Variants in IPO9 observed in about 807,000 individuals in gnomAD.
IPO9 encodes importin-9.
IPO9 carries 28 observed loss-of-function variants against 128.6 expected under a neutral mutation model. That is an observed-to-expected ratio of 0.22 (90% CI 0.16 to 0.30). IPO9 has a LOEUF of 0.30. IPO9 is among the 10% of genes least tolerant of loss of function. IPO9 has a pLI of 1.00. For missense variants in IPO9, 935 were observed against 1,293.9 expected (o/e 0.72, Z 4.26); for synonymous variants, 455 against 475.8 (o/e 0.96, Z 0.57).
chr1:201,848,635 C>A, intron 4 of IPO9, 41 bp downstream of exon 4: 2 of 1,592,128 alleles, frequency 1.3e-6, no homozygotes, highest in Non-Finnish European at 1.7e-6. Context: ...ACTTGGATCT[C>A]AAGCGACAGG....
intron 21 of IPO9, 90 bp from the exon 22 acceptor site, chr1:201,874,742 T>G: frequency 1.1e-6 from 1 of 876,638 alleles, no homozygotes; most frequent in Non-Finnish European, 1.9e-6. Flanking sequence ...GCAGAAGCCT[T>G]TGGGGCCCTT....
intron 2 of IPO9, 75 bp downstream of exon 2, chr1:201,847,415 A>G: frequency 6.9e-7 from 1 of 1,444,634 alleles, no homozygotes; most frequent in Admixed American, 1.8e-5. Flanking sequence ...GGAAAGAAAA[A>G]TAAGGCCAGT....
chr1:201,877,467 C>G lies in IPO9; in HGVS notation c.*1413C>G, dbSNP rs907058999. 5 of 151,592 alleles carry G rather than the reference C, an allele frequency of 3.3e-5. No homozygotes were observed. Among genetic ancestry groups the G allele is most frequent in the African/African-American group, 1.2e-4 (5 of 41,184 alleles). The allele number at this position is 151,592 out of a possible 1,614,324, so 9.4% of individuals were successfully genotyped here. A position where few individuals can be genotyped will look rare whatever the true frequency, so the allele number is the denominator to read the frequency against. On this transcript the variant is annotated 3_prime_UTR_variant, in exon 24 of 24. Coordinates refer to ENST00000361565, the MANE Select transcript of IPO9 (RefSeq NM_018085.5). ...GCAGTGAACCGATATCACACCGTTG[C>G]ATTCCAAGGCAAGACTCAATCACAC...
At chr1:201,838,609 T>G (rs960390790) in intron 1 of IPO9, among the ~76,000 whole-genome samples, 15 of 152,168 alleles carry the variant, frequency 9.9e-5, no homozygotes, top group Admixed American at 7.2e-4. Context: ...ATTTAATCAT[T>G]TAATAACTCT....
chr1:201,859,686 G>A (rs566839382), intron 13 of IPO9, among the ~76,000 whole-genome samples: 78 of 152,130 alleles, frequency 5.1e-4, no homozygotes, highest in Admixed American at 7.2e-4. Context: ...TAGGCCAGGC[G>A]CGATGGCTCA....
chr1:201,833,478 A>T (rs1022557667), intron 1 of IPO9, among the ~76,000 whole-genome samples: 14 of 152,062 alleles, frequency 9.2e-5, no homozygotes, highest in Non-Finnish European at 2.1e-4. Context: ...ACCTCAGGTG[A>T]TCCACCCACC....
chr1:201,843,071 TG>T (rs1392266939), intron 1 of IPO9, among the ~76,000 whole-genome samples: 1 of 152,234 alleles, frequency 6.6e-6, no homozygotes, highest in East Asian at 1.9e-4. Context: ...AATCAGCCAC[TG>T]TGATGGTCTA....
chr1:201,875,187 C>G lies in IPO9; in HGVS notation c.2974C>G (p.Pro992Ala). ...CTACGAGGATGATGAGGAAGATGAC[C>G]CTGATGCCCTGAAGGATCCTCTCTA... ...DYYEDDEEDD[P>A]DALKDPLYQI... is the part of the protein sequence containing the mutation. The change falls in exon 23 of 24, where the codon CCT (proline) becomes GCT (alanine). Residue 992 changes from proline to alanine, a missense_variant. By Grantham distance (27) the Pro-to-Ala change is conservative. Transcript: ENST00000361565. The G allele has an allele frequency of 6.2e-7, 1 of 1,614,128 alleles. No homozygotes were observed.
rs34740541 is a variant in IPO9 at position 201,883,171 on chromosome 1, TC to T, written c.*7128del. On this transcript the variant is annotated 3_prime_UTR_variant, in exon 24 of 24. Transcript: ENST00000361565. ...GTGTATTAATTTGCTTTCACTAGAT[TC>T]CCCCCCCCCCAACAACTTAGTCCAA... 0.055 allele frequency: 7,410 copies of T among 134,376 alleles called. 691 individuals are homozygous for T. The highest frequency in any genetic ancestry group is 0.19 in the African/African-American group (6,882 of 37,172). 8.3% of individuals were successfully genotyped at this position (134,376 alleles called of 1,614,324 possible).
rs562636084 is a variant in IPO9 at position 201,865,539 on chromosome 1, C to A, written c.1629-1194C>A. 7.9e-5 allele frequency among the ~76,000 whole-genome samples: 12 copies of A among 152,208 alleles called. No homozygotes were observed. The South Asian group carries it at 2.1e-3, about 26-fold the overall frequency. The stretch of plus-strand genomic sequence containing the variant: ...TGTCTTTTCTAATGTCACTAGTAAC[C>A]TTTTAATGATCAGCATTCCACCGTT... On this transcript the variant is annotated intron_variant, in intron 14 of 23. Coordinates refer to ENST00000361565, the MANE Select transcript of IPO9 (RefSeq NM_018085.5).
intron 19 of IPO9, among the ~76,000 whole-genome samples, chr1:201,872,599 A>C (rs909808455): frequency 2.7e-5 from 4 of 148,156 alleles, no homozygotes; most frequent in Non-Finnish European, 4.5e-5. Context: ...ATGAGACCCT[A>C]TCTCAAAAAC....
At chr1:201,874,499 G>C in intron 21 of IPO9, 127 bp downstream of exon 21, 1 of 1,055,356 alleles carries the variant, frequency 9.5e-7, no homozygotes, top group Non-Finnish European at 1.4e-6. Context: ...CTGCTCTGTG[G>C]CTGGCACCAT....
At chr1:201,847,519 CTTG>C in intron 2 of IPO9, 30 bp from the exon 3 acceptor site, 1 of 1,426,602 alleles carries the variant, frequency 7.0e-7, no homozygotes, top group Non-Finnish European at 9.9e-7. Flanking sequence ...AAATCTTTTT[CTTG>C]CTGTACTACT....
In IPO9 at chr1:201,870,031, A is replaced by G. The variant is rs1193057938; in HGVS notation, c.2133+313A>G. On this transcript the variant is annotated intron_variant, in intron 17 of 23. Coordinates refer to ENST00000361565, the MANE Select transcript of IPO9 (RefSeq NM_018085.5). This position sits in a 1 kb window ranked among gnomAD's most constrained non-coding sequence, Gnocchi z 4.9. The stretch of plus-strand genomic sequence containing the variant: ...GTCTTTCTGCATATTTCTTCTAGTA[A>G]TAAAGTCAGCAGAGTGATGGGCCTC... Among the ~76,000 whole-genome samples, 1 of 152,206 alleles carries G rather than the reference A, an allele frequency of 6.6e-6. No individual in the cohort carries two copies. The highest frequency in any genetic ancestry group is 1.5e-5 in the Non-Finnish European group (1 of 68,042).
chr1:201,871,823 C>T (rs1023169442), intron 19 of IPO9, among the ~76,000 whole-genome samples: 39 of 152,072 alleles, frequency 2.6e-4, no homozygotes, highest in African/African-American at 9.4e-4. Flanking sequence ...TCTTGAAATC[C>T]CCAAAAGACA....
chr1:201,882,797 A>G lies in IPO9; in HGVS notation c.*6743A>G, dbSNP rs1306092420. 6.6e-6 allele frequency: 1 copy of G among 152,620 alleles called. No homozygotes were observed. Among genetic ancestry groups the G allele is most frequent in the East Asian group, 1.9e-4 (1 of 5,204 alleles). The allele number at this position is 152,620 out of a possible 1,614,324, so 9.5% of individuals were successfully genotyped here. A position where few individuals can be genotyped will look rare whatever the true frequency, so the allele number is the denominator to read the frequency against. Reference sequence around the variant, plus strand: ...AAGCCTTGGTTCCCTCATCTGTAAAATAGGGAACTAATACCTACCTCACAG... The same window carrying G: ...AAGCCTTGGTTCCCTCATCTGTAAAGTAGGGAACTAATACCTACCTCACAG... On this transcript the variant is annotated 3_prime_UTR_variant, in exon 24 of 24. Transcript: ENST00000361565.
chr1:201,876,049 A>G lies in IPO9; in HGVS notation c.3121A>G (p.Ile1041Val). Residue 1041 changes from isoleucine to valine, a missense_variant, in exon 24 of 24, where the codon ATC (isoleucine) becomes GTC (valine). Ile to Val is a conservative substitution (Grantham distance 29). Coordinates refer to ENST00000361565, the MANE Select transcript of IPO9 (RefSeq NM_018085.5). Reference protein sequence around the residue: ...NERRVLQTIGI With the variant: ...NERRVLQTIGV ...GAGGCGAGTTCTACAGACCATCGGC[A>G]TCTAAAAAGGGGAGCCTTTCTACAT... is the stretch of plus-strand genomic sequence containing the variant. The G allele has an allele frequency of 1.9e-6, 3 of 1,603,396 alleles. No individual in the cohort carries two copies. The highest frequency in any genetic ancestry group is 2.6e-6 in the Non-Finnish European group (3 of 1,170,242).
At chr1:201,843,376 G>A (rs571485862) in intron 1 of IPO9, among the ~76,000 whole-genome samples, 1 of 152,244 alleles carries the variant, frequency 6.6e-6, no homozygotes, top group African/African-American at 2.4e-5. Context: ...CATTGCATCA[G>A]GTAGGGGAAT....
At position 201,831,787 on chromosome 1, in the gene IPO9, G is replaced by A. The variant is rs547489830; in HGVS notation, c.163+2415G>A. Reference sequence around the variant, plus strand: ...GGCCTGATGAAACTGGCAGGACATGGTTCCTCCTATTAGAATGCCCTACAG... The same window carrying A: ...GGCCTGATGAAACTGGCAGGACATGATTCCTCCTATTAGAATGCCCTACAG... On this transcript the variant is annotated intron_variant, in intron 1 of 23. Transcript: ENST00000361565. Among the ~76,000 whole-genome samples, 6 of 152,308 alleles carry A rather than the reference G, an allele frequency of 3.9e-5. No homozygotes were observed. The South Asian group carries it at 6.2e-4, about 16-fold the overall frequency.
Sources: gnomAD v4.1 joint callset for allele counts (sites outside exome capture counted in the v4.1 genomes callset) on GRCh38, gnomAD v4.1.1 for gene constraint, Gnocchi (gnomAD v3.1) non-coding constraint, MANE v1.5 for transcripts, NCBI Gene and HGNC (gene_info 2026-07-23, HGNC 2026-07-21) for gene names.